AKR1C2: variants seen among roughly 807,000 people sequenced by gnomAD.
The protein encoded by AKR1C2 is 3-alpha-HSD3.
In AKR1C2, 27 loss-of-function variants were observed where a neutral mutation model predicts 39.8. The ratio of observed to expected loss-of-function variants is 0.68; its 90% confidence interval spans 0.50 to 0.93. The LOEUF (loss-of-function observed/expected upper bound fraction) is 0.93, where lower values mean the gene tolerates loss of function less well. AKR1C2 is among the 40% of genes least tolerant of loss of function. The probability of loss-of-function intolerance (pLI) is 0.00; values close to 1 mark genes in which losing one functional copy is unlikely to be tolerated. For synonymous variants in AKR1C2, 114 were observed against 137.9 expected (o/e 0.83, Z 1.22); for missense variants, 263 against 365.1 (o/e 0.72, Z 2.28).
At chr10:5,003,661 G>C (rs1837336934) in intron 1 of AKR1C2, 91 bp downstream of exon 1, 5 of 1,267,136 alleles carry the variant, frequency 3.9e-6, no homozygotes, top group Admixed American at 1.7e-5. Flanking sequence ...GAGTCATGCA[G>C]AGTAACATAG....
chr10:4,990,203 T>A (rs538283480), intron 8 of AKR1C2, among the ~76,000 whole-genome samples, 165 bp from the exon 9 acceptor site: 8 of 152,346 alleles, frequency 5.3e-5, no homozygotes, highest in African/African-American at 1.9e-4. Context: ...GACTTTATCA[T>A]ATCTGTATTT....
chr10:5,013,027 G>A (rs1289008689), intron 1 of AKR1C2, among the ~76,000 whole-genome samples: 8 of 152,126 alleles, frequency 5.3e-5, no homozygotes, highest in African/African-American at 1.9e-4. Flanking sequence ...TATTCAGGCT[G>A]TTGCCTCTAC....
chr10:4,995,154 T>C (rs1345952489), intron 7 of AKR1C2, among the ~76,000 whole-genome samples, 165 bp downstream of exon 7: 3 of 121,124 alleles, frequency 2.5e-5, no homozygotes, highest in African/African-American at 1.0e-4. Flanking sequence ...CTGTTGCCTC[T>C]CCTGTGCTAG....
At chr10:5,009,261 C>A (rs1397805322) in intron 1 of AKR1C2, among the ~76,000 whole-genome samples, 5 of 152,156 alleles carry the variant, frequency 3.3e-5, no homozygotes, top group Non-Finnish European at 7.3e-5. Flanking sequence ...TTTGAAGAAA[C>A]AACTGTGTCA....
intron 4 of AKR1C2, 38 bp from the exon 5 acceptor site, chr10:4,998,785 C>T (rs1327526666): frequency 2.0e-5 from 33 of 1,611,828 alleles, no homozygotes; most frequent in Admixed American, 1.0e-4. Context: ...TTTGTGTAGT[C>T]GACTGAAGAG....
chr10:4,993,384 G>C (rs2131675507), intron 7 of AKR1C2, among the ~76,000 whole-genome samples: 1 of 152,202 alleles, frequency 6.6e-6, no homozygotes, highest in South Asian at 2.1e-4. Context: ...CAAGTTATGT[G>C]AGCAAATATA....
upstream of AKR1C2, among the ~76,000 whole-genome samples, chr10:5,008,757 C>A (rs1554774644): frequency 6.6e-6 from 1 of 152,244 alleles, no homozygotes; most frequent in Non-Finnish European, 1.5e-5. Context: ...ATCCTAATTT[C>A]TTCTCACTAT....
At position 4,989,685 on chromosome 10, in the gene AKR1C2, C is replaced by T. The variant is rs10904383; in HGVS notation, c.*311G>A. The stretch of plus-strand genomic sequence containing the variant: ...TTAAATGGTTGTTAACATCTTCCAA[C>T]CCCGGCCCTAAACGTATAGGCAAAT... On this transcript the variant is annotated 3_prime_UTR_variant, in exon 9 of 9. Coordinates refer to ENST00000380753, the MANE Select transcript of AKR1C2 (RefSeq NM_001393392.1). The T allele has an allele frequency of 0.3, 114,317 of 384,332 alleles. 19,154 individuals are homozygous for T. Among genetic ancestry groups the T allele is most frequent in the East Asian group, 0.61 (10,112 of 16,642 alleles). 23.8% of individuals were successfully genotyped at this position (384,332 alleles called of 1,614,324 possible). A position where few individuals can be genotyped will look rare whatever the true frequency, so the allele number is the denominator to read the frequency against.
At chr10:5,005,069 A>G (rs1588307760), upstream of AKR1C2, among the ~76,000 whole-genome samples, 7 of 151,890 alleles carry the variant, frequency 4.6e-5, no homozygotes, top group South Asian at 1.5e-3. Context: ...CTATACACAT[A>G]CAGATGTTAT....
chr10:5,014,011 A>T (rs569445651), intron 1 of AKR1C2, among the ~76,000 whole-genome samples: 9 of 152,198 alleles, frequency 5.9e-5, no homozygotes, highest in Non-Finnish European at 1.2e-4. Context: ...TCAAGGTTCA[A>T]CCATATTATT....
chr10:5,000,339 C>T (rs1185838932), intron 3 of AKR1C2: 11 of 1,531,136 alleles, frequency 7.2e-6, no homozygotes, highest in South Asian at 1.2e-5. Context: ...GGATTCTGCA[C>T]TCTCTTTTCT....
At position 4,996,691 on chromosome 10, in the gene AKR1C2, G is replaced by A. The variant is rs1431519692; in HGVS notation, c.571-826C>T. Among the ~76,000 whole-genome samples, 8 of 151,720 alleles carry A rather than the reference G, an allele frequency of 5.3e-5. No individual in the cohort carries two copies. In the South Asian group the frequency reaches 1.2e-3, roughly 24 times the overall value. On this transcript the variant is annotated intron_variant, in intron 5 of 8. Transcript: ENST00000380753. ...ACAATCTTTGTCTACTCTGATGGTGGTCATTACAGTAATTACGTTCACAGT... is the reference window on the plus strand; with the variant it reads ...ACAATCTTTGTCTACTCTGATGGTGATCATTACAGTAATTACGTTCACAGT...
intron 7 of AKR1C2, among the ~76,000 whole-genome samples, chr10:4,993,254 T>G (rs1446673959): frequency 3.9e-5 from 6 of 152,174 alleles, no homozygotes; most frequent in Admixed American, 2.0e-4. Flanking sequence ...TGTACCATAC[T>G]GGAAGTGAAA....
chr10:4,994,277 A>ATG (rs1554772613), intron 7 of AKR1C2, among the ~76,000 whole-genome samples: 20 of 152,196 alleles, frequency 1.3e-4, no homozygotes, highest in African/African-American at 4.8e-4. Flanking sequence ...ATCTATATAT[A>ATG]TTCATATTCA....
chr10:4,989,270 G>T lies in AKR1C2; in HGVS notation c.*726C>A, dbSNP rs1293008108. 1 of 152,140 alleles carries T rather than the reference G, an allele frequency of 6.6e-6. No individual in the cohort carries two copies. The highest frequency in any genetic ancestry group is 1.5e-5 in the Non-Finnish European group (1 of 68,032). The allele number at this position is 152,140 out of a possible 1,614,324, so 9.4% of individuals were successfully genotyped here. A position where few individuals can be genotyped will look rare whatever the true frequency, so the allele number is the denominator to read the frequency against. ...TTCAGGCCTGACTCTCAGCTGTGGG[G>T]TTTGTTAAAACAATGTGGAAAGTTT... On this transcript the variant is annotated 3_prime_UTR_variant, in exon 9 of 9. Coordinates refer to ENST00000380753, the MANE Select transcript of AKR1C2 (RefSeq NM_001393392.1).
chr10:4,996,547 A>AATATATATATATAT (rs200451297), intron 5 of AKR1C2, among the ~76,000 whole-genome samples: 1 of 144,552 alleles, frequency 6.9e-6, no homozygotes, highest in Non-Finnish European at 1.5e-5. Flanking sequence ...ATATATATAT[A>AATATATATATATAT]ATATATATAT....
At position 4,988,390 on chromosome 10, in the gene AKR1C2, C is replaced by T. The variant is rs567718455; in HGVS notation, c.*1606G>A. ...ATGCAGAGTTCACATTATGATCTTC[C>T]ATTGAAGATTTGGAGGAAAACGCTG... On this transcript the variant is annotated 3_prime_UTR_variant, in exon 9 of 9. Transcript: ENST00000380753. 2 of 151,514 alleles carry T rather than the reference C, an allele frequency of 1.3e-5. No individual in the cohort carries two copies. The highest frequency in any genetic ancestry group is 2.9e-5 in the Non-Finnish European group (2 of 67,900). 9.4% of individuals were successfully genotyped at this position (151,514 alleles called of 1,614,324 possible). A position where few individuals can be genotyped will look rare whatever the true frequency, so the allele number is the denominator to read the frequency against.
intron 1 of AKR1C2, among the ~76,000 whole-genome samples, chr10:5,010,870 T>C (rs61856092): frequency 0.07 from 10,583 of 152,204 alleles, 410 homozygotes; most frequent in Middle Eastern, 0.12. Flanking sequence ...TAATTAAATA[T>C]AAGACCTGAG....
intron 1 of AKR1C2, among the ~76,000 whole-genome samples, chr10:5,013,958 TTTG>T (rs1554775142): frequency 6.6e-6 from 1 of 152,198 alleles, no homozygotes; most frequent in African/African-American, 2.4e-5. Context: ...TTATACAGTA[TTTG>T]TCCTTTTGTG....
Sources: gnomAD v4.1 joint callset for allele counts (sites outside exome capture counted in the v4.1 genomes callset) on GRCh38, gnomAD v4.1.1 for gene constraint, MANE v1.5 for transcripts, NCBI Gene and HGNC (gene_info 2026-07-23, HGNC 2026-07-21) for gene names.